The following AXDND1 variants were observed in gnomAD, a reference collection of about 807,000 sequenced individuals.
AXDND1 encodes the protein axonemal dynein light chain domain containing 1.
In AXDND1, 110 loss-of-function variants were observed where a neutral mutation model predicts 137.5. The observed-to-expected ratio is 0.80, with a 90% CI of 0.69 to 0.94. The LOEUF is 0.94. AXDND1 is among the 40% of genes least tolerant of loss of function. The probability of loss-of-function intolerance (pLI) is 0.00; values close to 1 mark genes in which losing one functional copy is unlikely to be tolerated. For missense variants in AXDND1, 1,191 were observed against 1,169.8 expected (o/e 1.02, Z -0.26); for synonymous variants, 414 against 399.7 (o/e 1.04, Z -0.43).
Position 179,428,807 on chromosome 1 carries a change from AAAAT to A in AXDND1, c.1231-705_1231-702del, listed in dbSNP as rs137968661. On this transcript the variant is annotated intron_variant, in intron 12 of 25. Coordinates refer to ENST00000367618, the MANE Select transcript of AXDND1 (RefSeq NM_144696.6). Reference sequence around the variant, plus strand: ...TTTTACTAATTTAACACAATTTTTAAAAATAAATATGCTATTTATGTTAATATGT... The same window carrying A: ...TTTTACTAATTTAACACAATTTTTAAAAATATGCTATTTATGTTAATATGT... Among the ~76,000 whole-genome samples the A allele has an allele frequency of 6.7e-3, 1,018 of 152,362 alleles. 13 individuals carry two copies. The highest frequency in any genetic ancestry group is 0.023 in the African/African-American group (936 of 41,588).
intron 25 of AXDND1, among the ~76,000 whole-genome samples, chr1:179,538,437 A>G (rs750819807): frequency 6.6e-6 from 1 of 152,044 alleles, no homozygotes; most frequent in African/African-American, 2.4e-5. Flanking sequence ...TTCTGCCCTC[A>G]TTTTGTTGTT....
At chr1:179,460,233 C>CACCCTGTG (rs201164801) in intron 16 of AXDND1, among the ~76,000 whole-genome samples, 9,466 of 151,934 alleles carry the variant, frequency 0.062, 354 homozygotes, top group African/African-American at 0.07. Flanking sequence ...TGATGTTCCC[C>CACCCTGTG]ACCCTGTGTC....
chr1:179,498,900 T>C (rs539613633), intron 20 of AXDND1, among the ~76,000 whole-genome samples: 1 of 138,880 alleles, frequency 7.2e-6, no homozygotes, highest in Non-Finnish European at 1.6e-5. Flanking sequence ...CCAGTCAGAA[T>C]AGCTTATAAA....
chr1:179,515,448 A>G (rs535393411), intron 21 of AXDND1, among the ~76,000 whole-genome samples: 1 of 152,236 alleles, frequency 6.6e-6, no homozygotes, highest in South Asian at 2.1e-4. Flanking sequence ...ACTGCTGTTA[A>G]TCTGTTAGGT....
intron 15 of AXDND1, among the ~76,000 whole-genome samples, chr1:179,436,825 A>G (rs1658220752): frequency 6.6e-6 from 1 of 152,062 alleles, no homozygotes; most frequent in South Asian, 2.1e-4. Context: ...AAACCTGCAC[A>G]TTCTGCACAT....
chr1:179,492,985 T>C (rs748255137), intron 20 of AXDND1, 34 bp downstream of exon 20: 22 of 1,447,106 alleles, frequency 1.5e-5, no homozygotes, highest in African/African-American at 2.9e-5. Context: ...GTTTTGTTTT[T>C]GTTTTGTTTG....
chr1:179,537,552 T>G (rs566485914), intron 25 of AXDND1, among the ~76,000 whole-genome samples: 1 of 152,318 alleles, frequency 6.6e-6, no homozygotes, highest in African/African-American at 2.4e-5. Flanking sequence ...CCGACTTGAT[T>G]GTGGTAGATA....
At chr1:179,461,343 T>C (rs1486989269) in intron 16 of AXDND1, among the ~76,000 whole-genome samples, 1 of 152,038 alleles carries the variant, frequency 6.6e-6, no homozygotes, top group African/African-American at 2.4e-5. Context: ...TCAGGTTTCT[T>C]AAAGATCAGA....
intron 15 of AXDND1, among the ~76,000 whole-genome samples, chr1:179,435,048 A>G (rs1024337946): frequency 3.9e-5 from 6 of 152,116 alleles, no homozygotes; most frequent in South Asian, 2.1e-4. Flanking sequence ...TGCACCAACA[A>G]TATACAAGCA....
chr1:179,457,917 A>T (rs1233390727), intron 16 of AXDND1, among the ~76,000 whole-genome samples: 1 of 151,976 alleles, frequency 6.6e-6, no homozygotes, highest in Non-Finnish European at 1.5e-5. Context: ...ATTGTTGCTA[A>T]CTGGCTGACA....
chr1:179,499,005 G>A (rs572331831), intron 20 of AXDND1, among the ~76,000 whole-genome samples: 53 of 152,204 alleles, frequency 3.5e-4, no homozygotes, highest in African/African-American at 1.2e-3. Flanking sequence ...TCTAGCCATC[G>A]TGGAAAGCCG....
At chr1:179,402,689 A>G (rs1652289820) in intron 11 of AXDND1, among the ~76,000 whole-genome samples, 1 of 152,218 alleles carries the variant, frequency 6.6e-6, no homozygotes. Context: ...ACACAAACAA[A>G]AATGTCCCAG....
At chr1:179,370,968 G>A (rs1667980401) in intron 4 of AXDND1, among the ~76,000 whole-genome samples, 2 of 152,178 alleles carry the variant, frequency 1.3e-5, no homozygotes, top group African/African-American at 4.8e-5. Context: ...AGGAAAAGTG[G>A]TAGAAACTTG....
intron 12 of AXDND1, among the ~76,000 whole-genome samples, chr1:179,417,512 A>G (rs569833694): frequency 6.6e-6 from 1 of 151,926 alleles, no homozygotes; most frequent in East Asian, 1.9e-4. Flanking sequence ...ATCCATTTTG[A>G]TTTGATTTTT....
chr1:179,429,689 C>T lies in AXDND1; in HGVS notation c.1332+70C>T, dbSNP rs1277545102. 8.7e-6 allele frequency: 7 copies of T among 807,788 alleles called. No individual in the cohort carries two copies. In the East Asian group the frequency reaches 1.2e-4, roughly 14 times the overall value. 50.0% of individuals were successfully genotyped at this position (807,788 alleles called of 1,614,324 possible). The stretch of plus-strand genomic sequence containing the variant: ...TGGTGAGGGTTGAGACTGTAAGATG[C>T]CTTTGTTAAATTTATCGATTTTAAA... On this transcript the variant is annotated intron_variant, in intron 13 of 25. Transcript: ENST00000367618.
intron 25 of AXDND1, among the ~76,000 whole-genome samples, chr1:179,538,099 C>G (rs6682308): frequency 0.046 from 7,018 of 152,076 alleles, 246 homozygotes; most frequent in Non-Finnish European, 0.07. Context: ...CTTTATTAGT[C>G]TTGCTAGCGG....
intron 24 of AXDND1, 119 bp downstream of exon 24, chr1:179,533,996 G>C: frequency 1.3e-6 from 1 of 746,050 alleles, no homozygotes; most frequent in South Asian, 1.6e-5. Context: ...CCACATTAGG[G>C]GGATGTGTAT....
At chr1:179,506,873 A>G (rs962569690) in intron 20 of AXDND1, 1 of 985,496 alleles carries the variant, frequency 1.0e-6, no homozygotes, top group Non-Finnish European at 1.2e-6. Flanking sequence ...CTCCAAAAGG[A>G]CTATGACTGA....
chr1:179,488,226 A>C (rs1666309628), intron 18 of AXDND1, among the ~76,000 whole-genome samples: 1 of 148,032 alleles, frequency 6.8e-6, no homozygotes, highest in Admixed American at 6.7e-5. Flanking sequence ...ATACTTCCAG[A>C]TTTTATATAT....
Sources: gnomAD v4.1 joint callset for allele counts (sites outside exome capture counted in the v4.1 genomes callset) on GRCh38, gnomAD v4.1.1 for gene constraint, MANE v1.5 for transcripts, NCBI Gene and HGNC (gene_info 2026-07-23, HGNC 2026-07-21) for gene names.